ADCY3: variants seen among roughly 807,000 people sequenced by gnomAD.
ADCY3 encodes adenylate cyclase 3.
ADCY3 carries 70 observed loss-of-function variants against 119.4 expected under a neutral mutation model. That is an observed-to-expected ratio of 0.59 (90% confidence interval 0.48 to 0.72). The LOEUF is 0.72. Ranked by LOEUF, ADCY3 falls within the 30% of genes least tolerant of loss-of-function variation. The probability of loss-of-function intolerance (pLI) is 0.00; values close to 1 mark genes in which losing one functional copy is unlikely to be tolerated. For synonymous variants in ADCY3, 672 were observed against 621.4 expected (o/e 1.08, Z -1.21); for missense variants, 1,238 against 1,541.6 (o/e 0.80, Z 3.30).
chr2:24,874,432 G>C (rs900476240), intron 2 of ADCY3, among the ~76,000 whole-genome samples: 5 of 152,194 alleles, frequency 3.3e-5, no homozygotes, highest in Admixed American at 2.0e-4. Context: ...GTCAACACCT[G>C]AATGGCCAGC....
At chr2:24,847,048 G>A (rs1324712137) in intron 3 of ADCY3, among the ~76,000 whole-genome samples, 1 of 152,174 alleles carries the variant, frequency 6.6e-6, no homozygotes, top group African/African-American at 2.4e-5. Context: ...GGGGCCAGGA[G>A]TGGAATGATA....
intron 13 of ADCY3, 24 bp downstream of exon 13, chr2:24,830,685 T>TC: frequency 6.3e-7 from 1 of 1,595,870 alleles, no homozygotes; most frequent in Non-Finnish European, 8.6e-7. Context: ...GGGCGTCCCT[T>TC]CAACAAGGAC....
Position 24,840,005 on chromosome 2 carries a change from CCA to C in ADCY3, c.1221_1222del (p.Val409GlyfsTer29). 6.2e-7 allele frequency: 1 copy of C among 1,613,264 alleles called. No individual in the cohort carries two copies. Among genetic ancestry groups the C allele is most frequent in the Non-Finnish European group, 8.5e-7 (1 of 1,179,540 alleles). ...GTGCACCCCCACACGCATGTCCACC[CCA>C]GTCTTGGTCTTCTCCCGCACATACC... On this transcript the variant is annotated frameshift_variant, in exon 7 of 22. Transcript: ENST00000679454. LOFTEE classifies it high-confidence loss of function.
At chr2:24,862,874 A>C (rs1290908881) in intron 3 of ADCY3, among the ~76,000 whole-genome samples, 1 of 152,176 alleles carries the variant, frequency 6.6e-6, no homozygotes, top group African/African-American at 2.4e-5. Flanking sequence ...TGTATCCAAC[A>C]ATCATATGAT....
rs191239306 is a variant in ADCY3, at chr2:24,898,116, C to A, written c.675+20197G>T. Among the ~76,000 whole-genome samples the A allele has an allele frequency of 5.1e-4, 78 of 152,268 alleles. No homozygotes were observed. The highest frequency in any genetic ancestry group is 1.9e-3 in the African/African-American group (78 of 41,548). On this transcript the variant is annotated intron_variant, in intron 2 of 21. Transcript: ENST00000679454. The surrounding 1 kb of genome is among the most constrained non-coding windows in gnomAD (Gnocchi z 4.3). ...TCCAGTCAGAGGTTCTCCACTACCC[C>A]GTCTATGTTCACCCCCAGACCTTTG...
In ADCY3 at chr2:24,839,928, C is replaced by T. The variant is rs1430218908; in HGVS notation, c.1300G>A (p.Val434Met). Residue 434 changes from valine to methionine, a missense_variant, in exon 7 of 22, where the codon GTG becomes ATG. Physicochemically the swap from Val to Met is conservative, Grantham distance 21 (BLOSUM62 1). Around this residue, in one of 7 missense-constraint regions of ADCY3, gnomAD observed 283 missense variants for 437.2 expected, o/e 0.65. Coordinates refer to ENST00000679454, the MANE Select transcript of ADCY3 (RefSeq NM_004036.5). ...GCTACAGTGACATCAGTCGACCACA[C>T]GTCGTACTGCCAGCGCTTCTGGCCC... ...VLGQKRWQYDVWSTDVTVANK... is the reference protein window; with the variant it reads ...VLGQKRWQYDMWSTDVTVANK... 3.7e-6 allele frequency: 6 copies of T among 1,613,778 alleles called. No homozygotes were observed. The highest frequency in any genetic ancestry group is 2.2e-5 in the East Asian group (1 of 44,890).
intron 16 of ADCY3, among the ~76,000 whole-genome samples, chr2:24,824,912 C>T (rs1212829347): frequency 2.6e-5 from 4 of 152,016 alleles, no homozygotes; most frequent in South Asian, 2.1e-4. Flanking sequence ...AAAACAGGAA[C>T]GTGAATGGAG....
intron 2 of ADCY3, among the ~76,000 whole-genome samples, chr2:24,888,023 G>A (rs1677265769): frequency 6.6e-6 from 1 of 152,170 alleles, no homozygotes; most frequent in Non-Finnish European, 1.5e-5. Context: ...AAGGCAATGT[G>A]TGTCAATGGT....
intron 20 of ADCY3, 37 bp downstream of exon 20, chr2:24,821,480 G>A: frequency 6.2e-7 from 1 of 1,609,372 alleles, no homozygotes; most frequent in Non-Finnish European, 8.5e-7. Context: ...CATGGGAAGG[G>A]AGCCTGCTGC....
chr2:24,879,432 G>A (rs1298044546), intron 2 of ADCY3, among the ~76,000 whole-genome samples: 1 of 131,526 alleles, frequency 7.6e-6, no homozygotes, highest in African/African-American at 3.0e-5. Context: ...CAGCCTGGGC[G>A]ACAGAGCGAG....
chr2:24,826,817 A>G (rs77203649), intron 15 of ADCY3: 5,308 of 152,562 alleles, frequency 0.035, 250 homozygotes, highest in African/African-American at 0.12. Flanking sequence ...GCTGGGACAC[A>G]GGTTTATTTT....
intron 21 of ADCY3, 113 bp downstream of exon 21, chr2:24,820,611 C>G (rs1667483991): frequency 1.0e-5 from 16 of 1,535,836 alleles, no homozygotes; most frequent in South Asian, 3.8e-5. Context: ...GTCTCTGCCT[C>G]TGGACTTACT....
At chr2:24,823,092 G>A in intron 18 of ADCY3, 117 bp downstream of exon 18, 1 of 1,312,176 alleles carries the variant, frequency 7.6e-7, no homozygotes, top group South Asian at 1.6e-5. Context: ...ATGTATTGCG[G>A]AAGGGGCTTA....
rs757719184 is a variant in ADCY3 at position 24,834,775 on chromosome 2, G to A, written c.1805+19C>T. On this transcript the variant is annotated intron_variant, in intron 10 of 21. Transcript: ENST00000679454. The surrounding 1 kb of genome is among the most constrained non-coding windows in gnomAD (Gnocchi z 4.2). ...CCCGGGAGGAGTGGTGGGCCTGGAC[G>A]CTTCCGGGTGGCGCTTACACTTGGG... The A allele has an allele frequency of 8.7e-6, 14 of 1,609,130 alleles. No homozygotes were observed. The highest frequency in any genetic ancestry group is 3.3e-5 in the Admixed American group (2 of 59,938).
At chr2:24,840,102 C>A in intron 6 of ADCY3, 71 bp from the exon 7 acceptor site, 1 of 1,544,100 alleles carries the variant, frequency 6.5e-7, no homozygotes, top group Non-Finnish European at 8.8e-7. Context: ...CCTGCTCCTG[C>A]AGGAGAAATT....
rs1300070984 is a variant in ADCY3 at position 24,827,960 on chromosome 2, G to C, written c.2374C>G (p.Leu792Val). The C allele has an allele frequency of 6.2e-7, 1 of 1,614,244 alleles. No individual in the cohort carries two copies. Among genetic ancestry groups the C allele is most frequent in the Admixed American group, 1.7e-5 (1 of 60,036 alleles). ...LVAGAVATIN[L>V]YAWRPVFDEY... ...TCAAAGACGGGACGCCAGGCATAGA[G>C]GTTGATGGTGGCCACGGCGCCTGCG... The change falls in exon 14 of 22, where the codon CTC becomes GTC. Residue 792 changes from leucine (L) to valine (V), a missense_variant. Physicochemically the swap from Leu to Val is conservative, Grantham distance 32. Around this residue, in one of 7 missense-constraint regions of ADCY3, gnomAD observed 499 missense variants for 571.0 expected, o/e 0.87. Transcript: ENST00000679454.
intron 2 of ADCY3, among the ~76,000 whole-genome samples, chr2:24,903,054 G>A (rs1679087733): frequency 6.6e-6 from 1 of 151,688 alleles, no homozygotes; most frequent in Non-Finnish European, 1.5e-5. Context: ...GGCTGAGGCA[G>A]GAGAATCACT....
Position 24,853,008 on chromosome 2 carries a change from GTGTGTGTGTGTGTGTGTGTGTGTGTGT to G in ADCY3, c.826-10651_826-10625del, listed in dbSNP as rs1672541019. ...TGAAGGAAAGGAACAGCTGGAGGGT[GTGTGTGTGTGTGTGTGTGTGTGTGTGT>G]GTGTGTGTGTGTGTGTGTGTGTGTG... is the stretch of plus-strand genomic sequence containing the variant. On this transcript the variant is annotated intron_variant, in intron 3 of 21. Transcript: ENST00000679454. 7.9e-3 allele frequency among the ~76,000 whole-genome samples: 692 copies of G among 87,594 alleles called. 8 individuals carry two copies. Among genetic ancestry groups the G allele is most frequent in the Middle Eastern group, 0.025 (4 of 162 alleles). The allele number at this position is 87,594 out of a possible 152,430, so 57.5% of individuals were successfully genotyped here. A position where few individuals can be genotyped will look rare whatever the true frequency, so the allele number is the denominator to read the frequency against.
chr2:24,861,024 G>A (rs575340597), intron 3 of ADCY3, among the ~76,000 whole-genome samples: 6 of 152,330 alleles, frequency 3.9e-5, no homozygotes, highest in South Asian at 2.1e-4. Context: ...GCCAAGGCAG[G>A]CAGATCACTT....
Sources: allele counts gnomAD v4.1 joint callset (sites outside exome capture counted in the v4.1 genomes callset), GRCh38; gene constraint gnomAD v4.1.1; regional missense constraint gnomAD v4.1.1; non-coding constraint Gnocchi (gnomAD v3.1); transcripts MANE v1.5; gene names NCBI Gene and HGNC (gene_info 2026-07-23, HGNC 2026-07-21).